The following ADAMTS13 variants were observed in gnomAD, a reference collection of about 807,000 sequenced individuals.
ADAMTS13 encodes the protein A disintegrin and metalloproteinase with thrombospondin motifs 13.
Under a neutral mutation model 155.1 loss-of-function variants are expected in ADAMTS13, and 110 were observed. The ratio of observed to expected loss-of-function variants is 0.71; its 90% CI spans 0.61 to 0.83. The LOEUF is 0.83. Among genes scored for constraint, ADAMTS13 ranks in the 40% least tolerant of loss-of-function variants. The pLI is 0.00. For missense variants in ADAMTS13, 1,707 were observed against 1,891.7 expected (o/e 0.90, Z 1.81); for synonymous variants, 758 against 756.4 (o/e 1.00, Z -0.03).
rs1264980614 is a variant in ADAMTS13 at position 133,425,745 on chromosome 9, C to A, written c.414+133C>A. On this transcript the variant is annotated intron_variant, in intron 4 of 28. Transcript: ENST00000355699. The surrounding 1 kb of genome is among the most constrained non-coding windows in gnomAD (Gnocchi z 4.6). ...CACAGAATGCATTCAGCCAGACAGA[C>A]CAGCTGCCCTCCCAGCTCTACCCAG... 1.1e-5 allele frequency: 15 copies of A among 1,383,072 alleles called. No individual in the cohort carries two copies. In the South Asian group the frequency reaches 1.6e-4, roughly 15 times the overall value. The allele number at this position is 1,383,072 out of a possible 1,614,324, so 85.7% of individuals were successfully genotyped here. A position where few individuals can be genotyped will look rare whatever the true frequency, so the allele number is the denominator to read the frequency against.
upstream of ADAMTS13, among the ~76,000 whole-genome samples, chr9:133,418,957 C>A (rs1360161468): frequency 6.6e-6 from 1 of 152,190 alleles, no homozygotes; most frequent in Non-Finnish European, 1.5e-5. Context: ...TCTCCTGCCT[C>A]AGCCTCCTGA....
chr9:133,458,063 G>C lies in ADAMTS13; in HGVS notation c.3878G>C (p.Gly1293Ala). The change falls in exon 28 of 29, where the codon GGG becomes GCG. Residue 1293 changes from glycine to alanine, a missense_variant. Physicochemically the swap from Gly to Ala is moderately conservative, Grantham distance 60. Around this residue, in one of 3 missense-constraint regions of ADAMTS13, gnomAD observed 961 missense variants for 1,107.9 expected, o/e 0.87. Coordinates refer to ENST00000355699, the MANE Select transcript of ADAMTS13 (RefSeq NM_139027.6). ...GCCCTGGCCACCAACATGGGCGCTG[G>C]GACCGAGGGAGCCAATGCCAGCTAC... ...IHALATNMGA[G>A]TEGANASYIL... 1 of 1,613,392 alleles carries C rather than the reference G, an allele frequency of 6.2e-7. No homozygotes were observed. The highest frequency in any genetic ancestry group is 8.5e-7 in the Non-Finnish European group (1 of 1,180,024).
rs762112077 is a variant in ADAMTS13, at chr9:133,455,439, C to T, written c.3400+4C>T. 23 of 1,612,398 alleles carry T rather than the reference C, an allele frequency of 1.4e-5. No individual in the cohort carries two copies. The highest frequency in any genetic ancestry group is 5.0e-5 in the Admixed American group (3 of 60,004). ...GCTGGGCCCTGTGTGGGACAGGGTA[C>T]GCCCAGCCTGGTGCCCCACGAAGAA... On this transcript the variant is annotated splice_donor_region_variant and intron_variant, in intron 25 of 28. Coordinates refer to ENST00000355699, the MANE Select transcript of ADAMTS13 (RefSeq NM_139027.6).
At chr9:133,430,920 A>G (rs1840712992) in intron 8 of ADAMTS13, among the ~76,000 whole-genome samples, 1 of 152,136 alleles carries the variant, frequency 6.6e-6, no homozygotes, top group South Asian at 2.1e-4. Flanking sequence ...CTGGCCTCAC[A>G]AAGTGCTGGG....
chr9:133,455,314 G>GC lies in ADAMTS13; in HGVS notation c.3280dup (p.Arg1094ProfsTer4), dbSNP rs782415493. The GC allele has an allele frequency of 6.2e-7, 1 of 1,605,146 alleles. No individual in the cohort carries two copies. The highest frequency in any genetic ancestry group is 8.5e-7 in the Non-Finnish European group (1 of 1,179,966). On this transcript the variant is annotated frameshift_variant, in exon 25 of 29. Transcript: ENST00000355699. LOFTEE classifies it high-confidence loss of function. ...CTGTTTCCTGTGGGGATGGCATCCA[G>GC]CGCCGGCGTGACACCTGCCTCGGAC...
intron 21 of ADAMTS13, 80 bp from the exon 22 acceptor site, chr9:133,448,519 A>C: frequency 1.5e-5 from 23 of 1,581,674 alleles, no homozygotes; most frequent in East Asian, 4.5e-5. Context: ...CTTATGTGCT[A>C]GAGGTGTCCA....
chr9:133,454,528 C>A lies in ADAMTS13; in HGVS notation c.3158C>A (p.Ala1053Glu), dbSNP rs373530345. Residue 1053 changes from alanine (A) to glutamate (E), a missense_variant, in exon 24 of 29, where the codon GCG becomes GAG. Coordinates refer to ENST00000355699, the MANE Select transcript of ADAMTS13 (RefSeq NM_139027.6). ...GGCCAGGACGTGGAGGTGGACGAGG[C>A]GGCCTGTGCGGCGCTGGTGCGGCCC... is the stretch of plus-strand genomic sequence containing the variant. ...DQGQDVEVDE[A>E]ACAALVRPEA... 6.2e-7 allele frequency: 1 copy of A among 1,610,408 alleles called. No homozygotes were observed. The highest frequency in any genetic ancestry group is 8.5e-7 in the Non-Finnish European group (1 of 1,179,950).
chr9:133,422,704 T>C (rs139267834), intron 1 of ADAMTS13, among the ~76,000 whole-genome samples, 156 bp downstream of exon 1: 1 of 152,174 alleles, frequency 6.6e-6, no homozygotes, highest in East Asian at 1.9e-4. Context: ...GGGGATGAAG[T>C]GTGCTCACTG....
Position 133,442,646 on chromosome 9 carries a change from C to A in ADAMTS13, c.2137C>A (p.Gln713Lys). The A allele has an allele frequency of 6.2e-7, 1 of 1,613,268 alleles. No homozygotes were observed. The highest frequency in any genetic ancestry group is 8.5e-7 in the Non-Finnish European group (1 of 1,180,030). Residue 713 changes from glutamine (Q) to lysine (K), a missense_variant, in exon 18 of 29, where the codon CAG becomes AAG. Around this residue, in one of 3 missense-constraint regions of ADAMTS13, gnomAD observed 961 missense variants for 1,107.9 expected, o/e 0.87. Transcript: ENST00000355699. The stretch of plus-strand genomic sequence containing the variant: ...CTGGGTAAACTACAGCTGCCTGGAC[C>A]AGGCCAGGAAGGAGTTGGTGGAGAC... ...LRWVNYSCLD[Q>K]ARKELVETVQ...
In ADAMTS13 at chr9:133,445,068, A is replaced by C; in HGVS notation, c.2610+16A>C. Reference sequence around the variant, plus strand: ...CTGGGGCCATGTGAGTGCCCTGGGCATGAGGGTGGCTGGGGCTGTTGAGTC... The same window carrying C: ...CTGGGGCCATGTGAGTGCCCTGGGCCTGAGGGTGGCTGGGGCTGTTGAGTC... On this transcript the variant is annotated intron_variant, in intron 20 of 28. Transcript: ENST00000355699. This position sits in a 1 kb window ranked among gnomAD's most constrained non-coding sequence, Gnocchi z 5.0. The C allele has an allele frequency of 1.2e-6, 2 of 1,610,888 alleles. No individual in the cohort carries two copies. Among genetic ancestry groups the C allele is most frequent in the Non-Finnish European group, 8.5e-7 (1 of 1,179,420 alleles).
At chr9:133,433,108 G>T (rs1554787967) in intron 9 of ADAMTS13, among the ~76,000 whole-genome samples, 2 of 137,700 alleles carry the variant, frequency 1.5e-5, no homozygotes, top group Admixed American at 7.7e-5. Flanking sequence ...ATGTTGGGGG[G>T]TCTCTGGGTG....
intron 21 of ADAMTS13, among the ~76,000 whole-genome samples, chr9:133,447,301 C>G: frequency 6.6e-6 from 1 of 151,936 alleles, no homozygotes; most frequent in Non-Finnish European, 1.5e-5. Context: ...TCTCTCTTTT[C>G]TTTTTTGAGA....
intron 12 of ADAMTS13, among the ~76,000 whole-genome samples, chr9:133,437,205 C>T (rs1179550282): frequency 2.6e-5 from 4 of 152,118 alleles, no homozygotes; most frequent in Non-Finnish European, 5.9e-5. Flanking sequence ...CCTCCCTGGG[C>T]GCTACAAGGA....
intron 23 of ADAMTS13, among the ~76,000 whole-genome samples, chr9:133,450,432 G>A (rs898463645): frequency 1.3e-5 from 2 of 152,080 alleles, no homozygotes; most frequent in African/African-American, 4.8e-5. Context: ...GCCGGGTGTG[G>A]TGGTACATGC....
chr9:133,417,493 G>T, upstream of ADAMTS13: 7 of 957,088 alleles, frequency 7.3e-6, no homozygotes, highest in Non-Finnish European at 9.5e-6. Context: ...CTTGTGAAAA[G>T]CTGTTTACAA....
chr9:133,447,806 C>A (rs1330629081), intron 21 of ADAMTS13, among the ~76,000 whole-genome samples: 1 of 151,834 alleles, frequency 6.6e-6, no homozygotes, highest in East Asian at 1.9e-4. Flanking sequence ...GATGGCCACG[C>A]TGGTCTCAAA....
rs1554795975 is a variant in ADAMTS13 at position 133,456,324 on chromosome 9, T to C, written c.3547+109T>C. The C allele has an allele frequency of 1.5e-5, 23 of 1,539,222 alleles. No homozygotes were observed. The highest frequency in any genetic ancestry group is 1.8e-5 in the Admixed American group (1 of 55,380). On this transcript the variant is annotated intron_variant, in intron 26 of 28. Coordinates refer to ENST00000355699, the MANE Select transcript of ADAMTS13 (RefSeq NM_139027.6). The surrounding 1 kb of genome is among the most constrained non-coding windows in gnomAD (Gnocchi z 4.4). ...AGGAGCCCATGTGCATTCCCACCTG[T>C]AGTTTGCATCCCATCTCATGACTGG...
Position 133,456,728 on chromosome 9 carries a change from A to G in ADAMTS13, c.3724+9A>G. ...TGAAACCTTCTACAGAGGTATGGCC[A>G]GGCCTTCTCCACCTCCCTTGGGTGC... On this transcript the variant is annotated intron_variant, in intron 27 of 28. Transcript: ENST00000355699. This position sits in a 1 kb window ranked among gnomAD's most constrained non-coding sequence, Gnocchi z 4.4. 1 of 1,555,348 alleles carries G rather than the reference A, an allele frequency of 6.4e-7. No individual in the cohort carries two copies. Among genetic ancestry groups the G allele is most frequent in the Non-Finnish European group, 8.7e-7 (1 of 1,148,818 alleles).
At chr9:133,443,295 G>A (rs1384919986) in intron 18 of ADAMTS13, 81 bp from the exon 19 acceptor site, 1 of 1,504,882 alleles carries the variant, frequency 6.6e-7, no homozygotes, top group Non-Finnish European at 8.9e-7. Flanking sequence ...GACCGGGGGA[G>A]TACATCAGCA....
Sources: allele counts gnomAD v4.1 joint callset (sites outside exome capture counted in the v4.1 genomes callset), GRCh38; gene constraint gnomAD v4.1.1; regional missense constraint gnomAD v4.1.1; non-coding constraint Gnocchi (gnomAD v3.1); transcripts MANE v1.5; gene names NCBI Gene and HGNC (gene_info 2026-07-23, HGNC 2026-07-21).